The following IQCM variants were observed in gnomAD, a reference collection of about 807,000 sequenced individuals.
The protein encoded by IQCM is IQ domain-containing protein M.
Under a neutral mutation model 57.6 loss-of-function variants are expected in IQCM, and 45 were observed. The observed-to-expected ratio is 0.78, with a 90% CI of 0.62 to 1.00. The LOEUF (loss-of-function observed/expected upper bound fraction) is 1.00. Ranked by LOEUF, IQCM falls within the 50% of genes least tolerant of loss-of-function variation. The pLI is 0.00. For missense variants in IQCM, 468 were observed against 511.6 expected, an observed-to-expected ratio of 0.91 and a Z score of 0.82; for synonymous variants, 148 against 158.9, an observed-to-expected ratio of 0.93 and a Z score of 0.51.
chr4:149,730,995 G>T (rs1453485296), intron 5 of IQCM, among the ~76,000 whole-genome samples: 1 of 152,040 alleles, frequency 6.6e-6, no homozygotes, highest in African/African-American at 2.4e-5. Context: ...CAAGTGCTAG[G>T]TCTCCTTTTC....
chr4:149,725,394 A>C (rs1765800438), intron 5 of IQCM, among the ~76,000 whole-genome samples: 1 of 152,338 alleles, frequency 6.6e-6, no homozygotes, highest in African/African-American at 2.4e-5. Flanking sequence ...TGCTTTAAAA[A>C]TAGATCCAAA....
At chr4:149,624,016 G>C (rs1210856288) in intron 7 of IQCM, among the ~76,000 whole-genome samples, 1 of 152,038 alleles carries the variant, frequency 6.6e-6, no homozygotes, top group Non-Finnish European at 1.5e-5. Flanking sequence ...CAATATTTTA[G>C]ACTATCATCA....
intron 2 of IQCM, among the ~76,000 whole-genome samples, chr4:149,810,800 C>T (rs539999985): frequency 2.6e-5 from 4 of 152,152 alleles, no homozygotes; most frequent in African/African-American, 4.8e-5. Flanking sequence ...CTCTCAAAAC[C>T]GTCTGGATTT....
intron 3 of IQCM, among the ~76,000 whole-genome samples, chr4:149,740,344 G>A (rs768716569): frequency 2.0e-5 from 3 of 152,060 alleles, no homozygotes; most frequent in Non-Finnish European, 4.4e-5. Context: ...ATGCTGTTTT[G>A]ATGCTAAATG....
intron 12 of IQCM, among the ~76,000 whole-genome samples, chr4:149,469,627 AC>A (rs1414070458): frequency 6.6e-6 from 1 of 152,224 alleles, no homozygotes; most frequent in East Asian, 1.9e-4. Flanking sequence ...AGAGAATGCC[AC>A]AAAGATATTC....
At chr4:149,593,905 G>T (rs1753482412) in intron 8 of IQCM, among the ~76,000 whole-genome samples, 1 of 151,980 alleles carries the variant, frequency 6.6e-6, no homozygotes, top group Non-Finnish European at 1.5e-5. Context: ...CAGAGACATT[G>T]GTCTAAAATT....
chr4:149,442,554 C>A (rs1174379650), intron 12 of IQCM, among the ~76,000 whole-genome samples: 1 of 152,104 alleles, frequency 6.6e-6, no homozygotes, highest in Non-Finnish European at 1.5e-5. Flanking sequence ...ACTAATTAAG[C>A]TTTCTGCCAC....
chr4:149,628,981 T>C (rs1757034088), intron 7 of IQCM, among the ~76,000 whole-genome samples: 1 of 152,118 alleles, frequency 6.6e-6, no homozygotes, highest in African/African-American at 2.4e-5. Flanking sequence ...AAAAACACCA[T>C]TATCAAATAC....
In IQCM at chr4:149,598,727, A is replaced by C. The variant is rs190881115; in HGVS notation, c.682-10730T>G. 1.6e-4 allele frequency among the ~76,000 whole-genome samples: 24 copies of C among 152,320 alleles called. No homozygotes were observed. The East Asian group carries it at 4.6e-3, about 29-fold the overall frequency. On this transcript the variant is annotated intron_variant, in intron 8 of 13. Coordinates refer to ENST00000636793, the MANE Select transcript of IQCM (RefSeq NM_001363507.2). ...ATAAGTGCCAAATTGGCAAAGGTTAAAACTTTGACAGTATTAATTGTTTCC... is the reference window on the plus strand; with the variant it reads ...ATAAGTGCCAAATTGGCAAAGGTTACAACTTTGACAGTATTAATTGTTTCC...
At chr4:149,364,000 CA>C (rs1440247197) in intron 13 of IQCM, among the ~76,000 whole-genome samples, 2 of 152,076 alleles carry the variant, frequency 1.3e-5, no homozygotes, top group African/African-American at 4.8e-5. Flanking sequence ...TCCAAAATAT[CA>C]GACAGAACCT....
intron 9 of IQCM, among the ~76,000 whole-genome samples, chr4:149,585,552 A>G (rs999722572): frequency 1.3e-5 from 2 of 151,572 alleles, no homozygotes; most frequent in Non-Finnish European, 3.0e-5. Flanking sequence ...ACTTTGCTTT[A>G]TTTTCACATT....
chr4:149,706,437 G>A (rs1764165756), intron 5 of IQCM, among the ~76,000 whole-genome samples: 2 of 151,956 alleles, frequency 1.3e-5, no homozygotes, highest in Admixed American at 6.6e-5. Context: ...CTAGATGGCT[G>A]TGCTTTCTCT....
chr4:149,368,133 T>G (rs143136958), intron 13 of IQCM, among the ~76,000 whole-genome samples: 59 of 152,178 alleles, frequency 3.9e-4, no homozygotes, highest in Admixed American at 6.5e-4. Flanking sequence ...GTCATTTGTC[T>G]TCTCTTTTAT....
intron 2 of IQCM, among the ~76,000 whole-genome samples, chr4:149,783,857 T>G (rs1486830153): frequency 6.6e-6 from 1 of 152,032 alleles, no homozygotes; most frequent in Non-Finnish European, 1.5e-5. Context: ...AGCCTCCAGT[T>G]GACAGTCAGC....
intron 13 of IQCM, among the ~76,000 whole-genome samples, chr4:149,354,850 G>T (rs186734394): frequency 6.6e-6 from 1 of 152,184 alleles, no homozygotes; most frequent in African/African-American, 2.4e-5. Context: ...TAACTCTTCA[G>T]TTGTAATGAA....
At chr4:149,441,864 T>C (rs373014888) in intron 12 of IQCM, among the ~76,000 whole-genome samples, 67 of 152,176 alleles carry the variant, frequency 4.4e-4, no homozygotes, top group African/African-American at 1.4e-3. Flanking sequence ...TGGAAGGTGA[T>C]TGGGCCATGA....
rs1229328619 is a variant in IQCM, at chr4:149,587,913, T to C, written c.749+17A>G. On this transcript the variant is annotated intron_variant, in intron 9 of 13. Transcript: ENST00000636793. ...GAGTGCATTAATTTACACTTTTCTA[T>C]TATATAAAAGATATACCTGGGTTGT... 2 of 1,159,366 alleles carry C rather than the reference T, an allele frequency of 1.7e-6. No individual in the cohort carries two copies. The highest frequency in any genetic ancestry group is 3.2e-5 in the African/African-American group (2 of 62,658). The allele number at this position is 1,159,366 out of a possible 1,614,324, so 71.8% of individuals were successfully genotyped here.
At chr4:149,691,079 G>A (rs1762909789) in intron 5 of IQCM, 1 of 152,108 alleles carries the variant, frequency 6.6e-6, no homozygotes, top group Non-Finnish European at 1.5e-5. Flanking sequence ...GAATTTTTAA[G>A]TTTGAGTCTT....
chr4:149,572,949 C>T (rs2149963921), intron 9 of IQCM, among the ~76,000 whole-genome samples: 1 of 151,918 alleles, frequency 6.6e-6, no homozygotes, highest in African/African-American at 2.4e-5. Flanking sequence ...GAATCAAGAG[C>T]ATACAACCTA....
Sources: gnomAD v4.1 joint callset for allele counts (sites outside exome capture counted in the v4.1 genomes callset) on GRCh38, gnomAD v4.1.1 for gene constraint, MANE v1.5 for transcripts, NCBI Gene and HGNC (gene_info 2026-07-23, HGNC 2026-07-21) for gene names.